The following MAP7D2 variants were observed in gnomAD, a reference collection of about 807,000 sequenced individuals.
MAP7D2 encodes the protein MAP7 domain containing 2, also known as MAP7 domain-containing protein 2.
A neutral mutation model predicts 63.5 loss-of-function variants in MAP7D2; 33 were observed. That is an observed-to-expected ratio of 0.52 (90% confidence interval 0.39 to 0.70). The LOEUF is 0.70. Ranked by LOEUF, MAP7D2 falls within the 30% of genes least tolerant of loss-of-function variation. MAP7D2 has a pLI of 0.00. For missense variants in MAP7D2, 626 were observed against 604.0 expected, an observed-to-expected ratio of 1.04 and a Z score of -0.38; for synonymous variants, 224 against 223.7, an observed-to-expected ratio of 1.00 and a Z score of -0.01.
chrX:20,013,956 G>GTGAGGC (rs1253794654), intron 12 of MAP7D2, among the ~76,000 whole-genome samples: 6 of 112,214 alleles, frequency 5.3e-5, no homozygotes, highest in African/African-American at 1.9e-4. Flanking sequence ...CCTACAGAAA[G>GTGAGGC]TGAGGCTGAG....
At chrX:20,091,327 G>C (rs768302666) in intron 1 of MAP7D2, among the ~76,000 whole-genome samples, 80 of 105,776 alleles carry the variant, frequency 7.6e-4, no homozygotes, top group African/African-American at 2.7e-3. Flanking sequence ...TGCTGGGATT[G>C]TAGGAGTGAG....
intron 4 of MAP7D2, among the ~76,000 whole-genome samples, chrX:20,054,342 G>A (rs762223979): frequency 8.9e-6 from 1 of 111,982 alleles, no homozygotes; most frequent in South Asian, 3.7e-4. Context: ...TTTCCCTTTT[G>A]CTTCAGGCTC....
chrX:20,010,707 G>A (rs2073167778), intron 16 of MAP7D2, 70 bp downstream of exon 16: 2 of 951,191 alleles, frequency 2.1e-6, no homozygotes, highest in South Asian at 2.4e-5. Context: ...GAGGCTGAGT[G>A]ATATACATCC....
chrX:20,010,662 T>C, intron 16 of MAP7D2, 115 bp downstream of exon 16: 1 of 566,639 alleles, frequency 1.8e-6, no homozygotes. Flanking sequence ...AATATATTCA[T>C]GTTTGCGTTT....
chrX:20,025,559 A>G (rs764146071), intron 9 of MAP7D2, 122 bp downstream of exon 9: 1 of 872,253 alleles, frequency 1.1e-6, no homozygotes, highest in East Asian at 3.1e-5. Flanking sequence ...AAGCTGCACG[A>G]GGGGATGCAC....
chrX:20,038,537 A>G (rs1394956270), intron 8 of MAP7D2, among the ~76,000 whole-genome samples: 1 of 111,824 alleles, frequency 8.9e-6, no homozygotes, highest in Non-Finnish European at 1.9e-5. Flanking sequence ...TCAACGTCCT[A>G]TACATGGTAC....
intron 1 of MAP7D2, among the ~76,000 whole-genome samples, chrX:20,088,833 CTT>C (rs1296464626): frequency 7.2e-5 from 8 of 110,360 alleles, no homozygotes; most frequent in African/African-American, 2.6e-4. Flanking sequence ...CCTGTGTTCT[CTT>C]TTCTTTCTTT....
At chrX:20,090,833 A>G (rs1011916117) in intron 1 of MAP7D2, among the ~76,000 whole-genome samples, 2 of 111,576 alleles carry the variant, frequency 1.8e-5, no homozygotes, top group Non-Finnish European at 3.8e-5. Flanking sequence ...TTAGCCAGGC[A>G]TGGTGGCACG....
At chrX:20,034,083 G>T (rs1256353211) in intron 8 of MAP7D2, among the ~76,000 whole-genome samples, 1 of 108,298 alleles carries the variant, frequency 9.2e-6, no homozygotes, top group African/African-American at 3.4e-5. Context: ...AAATTAGCCA[G>T]ACGTGGTGGT....
intron 1 of MAP7D2, among the ~76,000 whole-genome samples, chrX:20,096,586 C>T (rs1398308183): frequency 9.1e-6 from 1 of 110,204 alleles, no homozygotes; most frequent in East Asian, 2.8e-4. Context: ...CTAGAATAGG[C>T]AAATGCAGGG....
chrX:20,113,528 G>A (rs2066804335), intron 1 of MAP7D2, among the ~76,000 whole-genome samples: 1 of 112,416 alleles, frequency 8.9e-6, no homozygotes, highest in Non-Finnish European at 1.9e-5. Flanking sequence ...ACAGGCGTGA[G>A]CCACCACGCC....
At chrX:20,029,209 G>A (rs1287989502) in intron 8 of MAP7D2, among the ~76,000 whole-genome samples, 1 of 112,365 alleles carries the variant, frequency 8.9e-6, no homozygotes, top group Non-Finnish European at 1.9e-5. Context: ...AAGCCTTCCT[G>A]CAGACATGAC....
At chrX:20,059,633 A>AGGGT (rs1569096813) in intron 3 of MAP7D2, among the ~76,000 whole-genome samples, 292 of 98,739 alleles carry the variant, frequency 3.0e-3, no homozygotes, top group African/African-American at 0.01. Context: ...GAAGGGTGGA[A>AGGGT]GGAAGGAAGG....
chrX:20,094,496 A>ATATATATATATATATATG (rs2066161304), intron 1 of MAP7D2, among the ~76,000 whole-genome samples: 2 of 17,881 alleles, frequency 1.1e-4, no homozygotes, highest in East Asian at 3.4e-3. Context: ...ACATATATAT[A>ATATATATATATATATATG]TATATATATA....
At chrX:20,080,740 G>A (rs1055428922) in intron 1 of MAP7D2, among the ~76,000 whole-genome samples, 4 of 111,571 alleles carry the variant, frequency 3.6e-5, no homozygotes, top group Non-Finnish European at 7.5e-5. Context: ...TGGAGATCGC[G>A]CCCACTCACT....
chrX:20,056,914 C>T, intron 3 of MAP7D2, 123 bp from the exon 4 acceptor site: 1 of 569,138 alleles, frequency 1.8e-6, no homozygotes, highest in East Asian at 3.6e-5. Flanking sequence ...CATCCAAAAC[C>T]CAGGCATACG....
Position 20,008,017 on chromosome X carries a change from A to T in MAP7D2, c.*408T>A, listed in dbSNP as rs2073060772. On this transcript the variant is annotated 3_prime_UTR_variant, in exon 17 of 17. Coordinates refer to ENST00000379643, the MANE Select transcript of MAP7D2 (RefSeq NM_001168465.2). Reference sequence around the variant, plus strand: ...ATATGTTGAACTAGAGTTTGGGTAAATGTCTAGAATATTTTACAGGAAAAG... The same window carrying T: ...ATATGTTGAACTAGAGTTTGGGTAATTGTCTAGAATATTTTACAGGAAAAG... 8.9e-6 allele frequency: 1 copy of T among 111,998 alleles called. No individual in the cohort carries two copies. Among genetic ancestry groups the T allele is most frequent in the African/African-American group, 3.2e-5 (1 of 30,832 alleles). The allele number at this position is 111,998 out of a possible 1,213,427, so 9.2% of individuals were successfully genotyped here.
At chrX:20,029,248 C>T (rs1264598336) in intron 8 of MAP7D2, among the ~76,000 whole-genome samples, 1 of 112,332 alleles carries the variant, frequency 8.9e-6, no homozygotes, top group Admixed American at 9.4e-5. Context: ...CAGGGCTGGA[C>T]TGGGGGGAGT....
intron 8 of MAP7D2, among the ~76,000 whole-genome samples, chrX:20,036,432 C>T (rs1294131199): frequency 1.9e-5 from 2 of 102,877 alleles, no homozygotes; most frequent in Non-Finnish European, 4.0e-5. Flanking sequence ...TTTGTAGAGA[C>T]GGGGTTTCAC....
Sources: gnomAD v4.1 joint callset for allele counts (sites outside exome capture counted in the v4.1 genomes callset) on GRCh38, gnomAD v4.1.1 for gene constraint, MANE v1.5 for transcripts, NCBI Gene and HGNC (gene_info 2026-07-23, HGNC 2026-07-21) for gene names.